PDE1C: variants seen among roughly 807,000 people sequenced by gnomAD.
PDE1C encodes dual specificity calcium/calmodulin-dependent 3',5'-cyclic nucleotide phosphodiesterase 1C.
Under a neutral mutation model 93.1 loss-of-function variants are expected in PDE1C, and 62 were observed. That is an observed-to-expected ratio of 0.67 (90% CI 0.54 to 0.82). The LOEUF (loss-of-function observed/expected upper bound fraction) is 0.82, where lower values mean the gene tolerates loss of function less well. PDE1C is among the 40% of genes least tolerant of loss of function. The pLI is 0.00. For missense variants in PDE1C, 742 were observed against 884.6 expected, an observed-to-expected ratio of 0.84 and a Z score of 2.04; for synonymous variants, 325 against 310.1, an observed-to-expected ratio of 1.05 and a Z score of -0.50.
At chr7:32,320,677 A>G (rs955393827) in intron 1 of PDE1C, among the ~76,000 whole-genome samples, 3 of 146,248 alleles carry the variant, frequency 2.1e-5, no homozygotes, top group Non-Finnish European at 3.0e-5. Flanking sequence ...AAAGTTTCAC[A>G]TATGTGTTAA....
Position 32,287,768 on chromosome 7 carries a change from G to A in PDE1C, c.85+10883C>T, listed in dbSNP as rs115453422. ...GCATGCAATGGGAATCTCCCTCCTG[G>A]GTTTTAAATGGAAGGGCAGCAGGAT... On this transcript the variant is annotated intron_variant, in intron 1 of 18. Coordinates refer to the PDE1C transcript ENST00000396193. Among the ~76,000 whole-genome samples, 453 of 152,266 alleles carry A rather than the reference G, an allele frequency of 3.0e-3. 2 individuals are homozygous for A. The highest frequency in any genetic ancestry group is 0.01 in the African/African-American group (426 of 41,554).
chr7:32,212,824 C>G lies in PDE1C; in HGVS notation c.86-3285G>C, dbSNP rs58898539. 5.2e-3 allele frequency among the ~76,000 whole-genome samples: 798 copies of G among 152,290 alleles called. 6 individuals carry two copies. Among genetic ancestry groups the G allele is most frequent in the African/African-American group, 0.018 (745 of 41,562 alleles). ...TGCCCATATGCGTAACTCCCCTTCC[C>G]ACACCTGCCTGTTGTTCTCAAACTT... On this transcript the variant is annotated intron_variant, in intron 1 of 18. Transcript: ENST00000396193.
At chr7:32,301,585 C>T (rs1256452790), upstream of PDE1C, among the ~76,000 whole-genome samples, 3 of 152,240 alleles carry the variant, frequency 2.0e-5, no homozygotes, top group Non-Finnish European at 4.4e-5. Flanking sequence ...CTAAAACGCA[C>T]TGCTTCAAGT....
intron 16 of PDE1C, chr7:31,786,949 CTATCTATCATCTATCT>C (rs1784054981): frequency 1.7e-5 from 2 of 115,240 alleles, no homozygotes; most frequent in South Asian, 5.6e-4. Flanking sequence ...ATCTATCTAT[CTATCTATCATCTATCT>C]ATCTATCTAT....
intron 2 of PDE1C, among the ~76,000 whole-genome samples, chr7:32,037,376 C>A (rs1791248865): frequency 6.6e-6 from 1 of 152,080 alleles, no homozygotes; most frequent in African/African-American, 2.4e-5. Flanking sequence ...GCCCCTCACC[C>A]ACAAGGATAC....
At chr7:31,755,309 G>C (rs1400632289) in intron 17 of PDE1C, among the ~76,000 whole-genome samples, 1 of 152,164 alleles carries the variant, frequency 6.6e-6, no homozygotes, top group Non-Finnish European at 1.5e-5. Context: ...ATAGATATGT[G>C]TATGTACATG....
intron 2 of PDE1C, among the ~76,000 whole-genome samples, chr7:31,992,235 C>G (rs1256005618): frequency 6.6e-6 from 1 of 152,196 alleles, no homozygotes; most frequent in Non-Finnish European, 1.5e-5. Context: ...GTGCACAAAA[C>G]ACACATGGCT....
rs574458981 is a variant in PDE1C at position 31,974,360 on chromosome 7, C to T, written c.128+77194G>A. Among the ~76,000 whole-genome samples, 9 of 152,300 alleles carry T rather than the reference C, an allele frequency of 5.9e-5. No individual in the cohort carries two copies. The South Asian group carries it at 1.9e-3, about 32-fold the overall frequency. ...AACAAAAATCTTTGTCAAATTTTAA[C>T]ATGGCACAGGTTTCAAAATAAAATT... On this transcript the variant is annotated intron_variant, in intron 2 of 17. Transcript: ENST00000396191.
chr7:31,816,201 G>T (rs752522628), intron 14 of PDE1C, 47 bp from the exon 15 acceptor site: 15 of 1,559,984 alleles, frequency 9.6e-6, no homozygotes, highest in Middle Eastern at 3.5e-4. Context: ...AGAAAAAGAG[G>T]TCATGCCGTT....
At chr7:31,619,703 T>A in the PDE1C span, among the ~76,000 whole-genome samples, 1 of 152,080 alleles carries the variant, frequency 6.6e-6, no homozygotes, top group East Asian at 2.0e-4. Flanking sequence ...GATTTCTGCA[T>A]TTCCATCTGA....
intron 1 of PDE1C, among the ~76,000 whole-genome samples, chr7:32,224,890 CT>C (rs1212252680): frequency 6.6e-6 from 1 of 151,638 alleles, no homozygotes; most frequent in African/African-American, 2.4e-5. Flanking sequence ...GAAAAATAAC[CT>C]AAAAAAAATG....
chr7:31,945,092 G>A (rs1012291397), intron 2 of PDE1C, among the ~76,000 whole-genome samples: 2 of 151,908 alleles, frequency 1.3e-5, no homozygotes, highest in Non-Finnish European at 2.9e-5. Context: ...CATCTAAATT[G>A]AAATCTATTT....
the PDE1C span, among the ~76,000 whole-genome samples, chr7:31,625,696 G>A: frequency 3.0e-4 from 46 of 151,862 alleles, no homozygotes; most frequent in Admixed American, 1.6e-3. Flanking sequence ...TGGGTGCAGC[G>A]CACCAACATG....
At chr7:32,040,718 A>G (rs1328963947) in intron 2 of PDE1C, among the ~76,000 whole-genome samples, 1 of 152,208 alleles carries the variant, frequency 6.6e-6, no homozygotes, top group Non-Finnish European at 1.5e-5. Flanking sequence ...CAAACTGTAA[A>G]TGCCTTCCCG....
At chr7:31,794,132 GCAGACAGACAGA>G (rs755488003) in intron 16 of PDE1C, among the ~76,000 whole-genome samples, 1 of 147,662 alleles carries the variant, frequency 6.8e-6, no homozygotes, top group African/African-American at 2.5e-5. Context: ...AGGCAGGCAG[GCAGACAGACAGA>G]CAGACAGACA....
At chr7:31,880,199 T>A (rs1474744038) in intron 3 of PDE1C, among the ~76,000 whole-genome samples, 7 of 152,170 alleles carry the variant, frequency 4.6e-5, no homozygotes, top group Admixed American at 4.6e-4. Context: ...GAAATGCAAT[T>A]TTATAACTTT....
chr7:32,107,271 T>G (rs1250954564), intron 3 of PDE1C, among the ~76,000 whole-genome samples: 4 of 111,388 alleles, frequency 3.6e-5, no homozygotes, highest in African/African-American at 7.2e-5. Flanking sequence ...ACAGGTAGGG[T>G]GAGAGGGAGG....
chr7:32,382,083 T>C (rs1585134782), intron 1 of PDE1C, among the ~76,000 whole-genome samples: 1 of 151,934 alleles, frequency 6.6e-6, no homozygotes, highest in Non-Finnish European at 1.5e-5. Context: ...TTGACTATTT[T>C]GCCCAAGATC....
At chr7:32,169,930 T>G (rs1252633348) in exon 3 of PDE1C, 4 of 1,612,602 alleles carry the variant, frequency 2.5e-6, no homozygotes, top group Non-Finnish European at 3.4e-6. Flanking sequence ...ATGAGGGAGT[T>G]CCACAGACAG....
Sources: gnomAD v4.1 joint callset for allele counts (sites outside exome capture counted in the v4.1 genomes callset) on GRCh38, gnomAD v4.1.1 for gene constraint, MANE v1.5 for transcripts, NCBI Gene and HGNC (gene_info 2026-07-23, HGNC 2026-07-21) for gene names.